The following CNGA1 variants were observed in gnomAD, a reference collection of about 807,000 sequenced individuals.
The protein encoded by CNGA1 is cyclic nucleotide gated channel subunit alpha 1, also known as cyclic nucleotide-gated channel alpha-1.
Under a neutral mutation model 69.7 loss-of-function variants are expected in CNGA1, and 53 were observed. The observed-to-expected ratio is 0.76, with a 90% CI of 0.61 to 0.96. The LOEUF (loss-of-function observed/expected upper bound fraction) is 0.96. Among genes scored for constraint, CNGA1 ranks in the 40% least tolerant of loss-of-function variants. The probability of loss-of-function intolerance (pLI) is 0.00; values close to 1 mark genes in which losing one functional copy is unlikely to be tolerated. For missense variants in CNGA1, 739 were observed against 811.2 expected, an observed-to-expected ratio of 0.91 and a Z score of 1.08; for synonymous variants, 249 against 283.5, an observed-to-expected ratio of 0.88 and a Z score of 1.22.
chr4:47,992,540 T>C (rs987686202), intron 2 of CNGA1, among the ~76,000 whole-genome samples: 4 of 152,146 alleles, frequency 2.6e-5, no homozygotes, highest in Non-Finnish European at 5.9e-5. Context: ...TTTGCTGAAT[T>C]CTTTTATCAG....
chr4:48,006,156 C>A (rs533234568), intron 2 of CNGA1, among the ~76,000 whole-genome samples: 1 of 152,194 alleles, frequency 6.6e-6, no homozygotes, highest in African/African-American at 2.4e-5. Context: ...TTTTATCTCT[C>A]CATGAGTCCT....
intron 3 of CNGA1, among the ~76,000 whole-genome samples, chr4:47,963,794 CT>C (rs2110183071): frequency 6.6e-6 from 1 of 151,954 alleles, no homozygotes; most frequent in East Asian, 1.9e-4. Context: ...TCATAGGACT[CT>C]TAAGTAAATT....
chr4:48,003,349 TGAATA>T (rs2109348280), intron 2 of CNGA1, among the ~76,000 whole-genome samples: 2 of 152,240 alleles, frequency 1.3e-5, no homozygotes, highest in Admixed American at 1.3e-4. Flanking sequence ...GGGCTGACTT[TGAATA>T]GAATGGGAGG....
At chr4:48,009,333 C>CT (rs1395320889) in intron 2 of CNGA1, among the ~76,000 whole-genome samples, 1 of 151,628 alleles carries the variant, frequency 6.6e-6, no homozygotes, top group Non-Finnish European at 1.5e-5. Context: ...GAGGGTGGTG[C>CT]TGTGCACCTG....
intron 3 of CNGA1, among the ~76,000 whole-genome samples, chr4:47,966,445 G>A (rs1049453122): frequency 6.6e-6 from 1 of 152,120 alleles, no homozygotes; most frequent in Non-Finnish European, 1.5e-5. Flanking sequence ...TACTTGTGAA[G>A]CTTGTTTAAA....
chr4:47,937,422 G>C lies in CNGA1; in HGVS notation c.1060C>G (p.Leu354Val), dbSNP rs771754004. ...KYVYSLYWST[L>V]TLTTIGETPP... ...GTTTCACCAATGGTAGTCAAAGTCA[G>C]TGTAGACCAGTAAAGGCTGTATACG... The change falls in exon 11 of 11, where the codon CTG (leucine) becomes GTG (valine). Residue 354 changes from leucine (L) to valine (V), a missense_variant. Transcript: ENST00000514170. 1 of 1,614,158 alleles carries C rather than the reference G, an allele frequency of 6.2e-7. No homozygotes were observed. The highest frequency in any genetic ancestry group is 1.1e-5 in the South Asian group (1 of 91,088).
At chr4:47,937,865 C>A (rs755876741) in intron 10 of CNGA1, 36 bp from the exon 11 acceptor site, 1 of 1,504,172 alleles carries the variant, frequency 6.6e-7, no homozygotes, top group South Asian at 1.1e-5. Context: ...AGTGTTTCTC[C>A]TTTTTATGTC....
chr4:47,949,065 T>C (rs1739592647), intron 6 of CNGA1, among the ~76,000 whole-genome samples: 3 of 152,204 alleles, frequency 2.0e-5, no homozygotes, highest in South Asian at 4.1e-4. Context: ...GGGTGAATTT[T>C]CTATATAAAC....
At position 47,943,265 on chromosome 4, in the gene CNGA1, T is replaced by C. The variant is rs1298952249; in HGVS notation, c.353A>G (p.Asn118Ser). The C allele has an allele frequency of 6.4e-7, 1 of 1,559,906 alleles. No individual in the cohort carries two copies. Among genetic ancestry groups the C allele is most frequent in the Non-Finnish European group, 8.7e-7 (1 of 1,151,852 alleles). The change falls in exon 8 of 11, where the codon AAT becomes AGT. Residue 118 changes from asparagine to serine, a missense_variant. Physicochemically the swap from Asn to Ser is conservative, Grantham distance 46. Transcript: ENST00000514170. ...CTTTTTCTTCTCTGGGTCGTTTTTA[T>C]TTTCGTTTTTATCATCTGACTTGCT... ...KKSKSDDKNE[N>S]KNDPEKKKKK...
chr4:48,002,640 G>A (rs1458657778), intron 2 of CNGA1, among the ~76,000 whole-genome samples: 4 of 150,064 alleles, frequency 2.7e-5, no homozygotes, highest in African/African-American at 7.4e-5. Flanking sequence ...GACCATAGGA[G>A]CTGGGTTGGC....
intron 2 of CNGA1, among the ~76,000 whole-genome samples, chr4:47,991,942 G>A (rs765859122): frequency 3.9e-5 from 6 of 152,022 alleles, no homozygotes; most frequent in Non-Finnish European, 8.8e-5. Context: ...CCCACTTTAT[G>A]TTTTTGTTTG....
At chr4:47,975,892 G>A (rs929259646) in intron 3 of CNGA1, among the ~76,000 whole-genome samples, 3 of 151,676 alleles carry the variant, frequency 2.0e-5, no homozygotes, top group Admixed American at 1.3e-4. Flanking sequence ...GACTCAGAAA[G>A]TATTCACAAT....
At chr4:47,961,356 TG>T (rs1322636221) in intron 3 of CNGA1, among the ~76,000 whole-genome samples, 1 of 152,158 alleles carries the variant, frequency 6.6e-6, no homozygotes, top group Admixed American at 6.6e-5. Context: ...AGGTTGGGGT[TG>T]GGGGCTGTGG....
At chr4:47,969,289 G>A (rs370747929) in intron 3 of CNGA1, among the ~76,000 whole-genome samples, 2 of 151,830 alleles carry the variant, frequency 1.3e-5, no homozygotes, top group African/African-American at 2.4e-5. Context: ...TCCCTTCACC[G>A]AGACAAATTT....
chr4:47,951,442 G>A lies in CNGA1; in HGVS notation c.135C>T (p.Ala45=), dbSNP rs374417673. The part of the protein sequence containing the change: ...CSSFSEDDDS[A]STSEESENEN... ...CATTCTCTGATTCTTCAGATGTAGA[G>A]GCACTGTCATCATCCTCAGAAAAGG... Residue 45 remains alanine, a synonymous_variant, in exon 5 of 11, where the codon GCC becomes GCT. Coordinates refer to ENST00000514170, the MANE Select transcript of CNGA1 (RefSeq NM_001379270.1). 10 of 1,613,196 alleles carry A rather than the reference G, an allele frequency of 6.2e-6. No homozygotes were observed. Among genetic ancestry groups the A allele is most frequent in the Non-Finnish European group, 7.6e-6 (9 of 1,179,366 alleles).
chr4:47,947,351 A>C (rs1739459210), intron 6 of CNGA1, among the ~76,000 whole-genome samples: 1 of 152,200 alleles, frequency 6.6e-6, no homozygotes, highest in East Asian at 1.9e-4. Flanking sequence ...AGCTTCAAGC[A>C]GTATACAGTC....
chr4:47,947,613 T>A (rs987718646), intron 6 of CNGA1, among the ~76,000 whole-genome samples: 1 of 151,882 alleles, frequency 6.6e-6, no homozygotes, highest in Admixed American at 6.6e-5. Flanking sequence ...GAGGCTGCAG[T>A]GAGCCAAGAT....
Position 47,937,073 on chromosome 4 carries a change from A to G in CNGA1, c.1409T>C (p.Leu470Ser). Residue 470 changes from leucine to serine, a missense_variant, in exon 11 of 11, where the codon TTA (leucine) becomes TCA (serine). By Grantham distance (145) the Leu-to-Ser change is moderately radical (BLOSUM62 -2). Coordinates refer to ENST00000514170, the MANE Select transcript of CNGA1 (RefSeq NM_001379270.1). ...EIAINVHLDT[L>S]KKVRIFADCE... ...ATCAGCAAAAATGCGTACCTTTTTT[A>G]ATGTGTCTAAGTGAACGTTGATGGC... 1 of 1,614,204 alleles carries G rather than the reference A, an allele frequency of 6.2e-7. No individual in the cohort carries two copies. Among genetic ancestry groups the G allele is most frequent in the Non-Finnish European group, 8.5e-7 (1 of 1,180,038 alleles).
chr4:47,951,312 T>C, intron 5 of CNGA1, 41 bp downstream of exon 5: 1 of 1,295,152 alleles, frequency 7.7e-7, no homozygotes, highest in Non-Finnish European at 1.1e-6. Flanking sequence ...TAAGCATAAA[T>C]GGTTAAAAAC....
Sources: gnomAD v4.1 joint callset for allele counts (sites outside exome capture counted in the v4.1 genomes callset) on GRCh38, gnomAD v4.1.1 for gene constraint, MANE v1.5 for transcripts, NCBI Gene and HGNC (gene_info 2026-07-23, HGNC 2026-07-21) for gene names.